The following OTOA variants were observed in gnomAD, a reference collection of about 807,000 sequenced individuals.
The protein encoded by OTOA is cancer/testis antigen 108.
Under a neutral mutation model 110.8 loss-of-function variants are expected in OTOA, and 70 were observed. The observed-to-expected ratio is 0.63, with a 90% CI of 0.52 to 0.77. The LOEUF is 0.77. OTOA is among the 30% of genes least tolerant of loss of function. The probability of loss-of-function intolerance (pLI) is 0.00; values close to 1 mark genes in which losing one functional copy is unlikely to be tolerated. For synonymous variants in OTOA, 373 were observed against 431.5 expected, an observed-to-expected ratio of 0.86 and a Z score of 1.68; for missense variants, 917 against 1,075.8, an observed-to-expected ratio of 0.85 and a Z score of 2.06.
Position 21,719,610 on chromosome 16 carries a change from C to T in OTOA, c.1806+106C>T, listed in dbSNP as rs181296414. 783 of 1,109,378 alleles carry T rather than the reference C, an allele frequency of 7.1e-4. 6 individuals carry two copies. In the African/African-American group the frequency reaches 9.7e-3, roughly 14 times the overall value. 68.7% of individuals were successfully genotyped at this position (1,109,378 alleles called of 1,614,324 possible). On this transcript the variant is annotated intron_variant, in intron 17 of 28. Transcript: ENST00000646100. ...GATCTTTATGCCAGAATCATTCAGA[C>T]GCAAGTGATGACTTAGGGCCAAAGA...
Position 21,677,673 on chromosome 16 carries a change from G to A in OTOA, c.-4-838G>A, listed in dbSNP as rs867481872. On this transcript the variant is annotated intron_variant, in intron 1 of 28. Coordinates refer to ENST00000646100, the MANE Select transcript of OTOA (RefSeq NM_144672.4). ...ATTTTTTTGTATTTTTATTAGAGAC[G>A]GGGTTTCACCGTGTTAGCCAGGATG... 9.9e-5 allele frequency among the ~76,000 whole-genome samples: 15 copies of A among 151,806 alleles called. 1 individual carries two copies. The highest frequency in any genetic ancestry group is 6.8e-3 in the Middle Eastern group (2 of 294).
chr16:21,722,273 A>C (rs112492854), intron 17 of OTOA, among the ~76,000 whole-genome samples: 19 of 147,836 alleles, frequency 1.3e-4, no homozygotes, highest in South Asian at 1.1e-3. Context: ...AAAAAAACAA[A>C]AAAAAAAAAC....
intron 12 of OTOA, among the ~76,000 whole-genome samples, chr16:21,707,609 CTT>C (rs1203681970): frequency 5.0e-5 from 4 of 79,450 alleles, no homozygotes; most frequent in Non-Finnish European, 8.8e-5. Context: ...TTCTTTCTTT[CTT>C]TCTTTCTTTC....
chr16:21,700,703 C>A (rs8050869), intron 10 of OTOA, among the ~76,000 whole-genome samples, 185 bp from the exon 11 acceptor site: 1 of 131,028 alleles, frequency 7.6e-6, no homozygotes, highest in Admixed American at 8.9e-5. Flanking sequence ...CCAGCCTGGG[C>A]GACAGAGTGA....
chr16:21,722,244 AG>A (rs987291775), intron 17 of OTOA, among the ~76,000 whole-genome samples: 160 of 147,384 alleles, frequency 1.1e-3, no homozygotes, highest in African/African-American at 3.7e-3. Flanking sequence ...CCTAGGTGAC[AG>A]AGTGAGACTG....
intron 15 of OTOA, among the ~76,000 whole-genome samples, chr16:21,718,609 A>C (rs1381703803): frequency 2.6e-5 from 4 of 152,144 alleles, no homozygotes. Context: ...GATTCTGTAA[A>C]ATTATGTTCC....
At chr16:21,719,262 T>C (rs1898651129) in intron 16 of OTOA, 71 bp downstream of exon 16, 1 of 1,594,018 alleles carries the variant, frequency 6.3e-7, no homozygotes, top group Admixed American at 1.7e-5. Context: ...AGCCTACTTT[T>C]CCAGGTGGGA....
At chr16:21,687,825 C>T (rs912631410) in intron 8 of OTOA, among the ~76,000 whole-genome samples, 177 bp downstream of exon 8, 15 of 151,840 alleles carry the variant, frequency 9.9e-5, no homozygotes, top group East Asian at 7.8e-4. Flanking sequence ...CTACCACACC[C>T]GACTAATTTT....
chr16:21,722,806 C>A, intron 17 of OTOA, 99 bp from the exon 18 acceptor site: 2 of 1,058,328 alleles, frequency 1.9e-6, no homozygotes, highest in Non-Finnish European at 2.9e-6. Flanking sequence ...CATAAATGAA[C>A]ACGTATGAAG....
intron 17 of OTOA, among the ~76,000 whole-genome samples, chr16:21,720,929 T>A (rs1403532509): frequency 1.3e-5 from 2 of 149,400 alleles, no homozygotes; most frequent in Admixed American, 6.7e-5. Flanking sequence ...TTATCATTAT[T>A]ATTATTATTG....
At chr16:21,726,979 G>C (rs1898938154) in intron 19 of OTOA, 1 of 344,958 alleles carries the variant, frequency 2.9e-6, no homozygotes, top group Non-Finnish European at 5.6e-6. Flanking sequence ...CTTCTCATCT[G>C]TAAGGTGGGG....
chr16:21,732,242 G>C (rs399643), intron 21 of OTOA, among the ~76,000 whole-genome samples: 22 of 151,906 alleles, frequency 1.4e-4, no homozygotes, highest in South Asian at 6.3e-4. Context: ...TGGGATTACA[G>C]GCGTGAGCCA....
chr16:21,697,040 T>TTA (rs1344293222), intron 9 of OTOA, among the ~76,000 whole-genome samples: 3 of 133,544 alleles, frequency 2.2e-5, no homozygotes, highest in Non-Finnish European at 4.8e-5. Context: ...CAGCTGGCTT[T>TTA]TTTTTTTTTT....
chr16:21,701,948 GTTTT>G (rs66850947), intron 11 of OTOA, among the ~76,000 whole-genome samples: 5 of 96,222 alleles, frequency 5.2e-5, no homozygotes, highest in African/African-American at 4.1e-5. Context: ...ATTCAATCCT[GTTTT>G]TTTTTTTTTT....
chr16:21,719,015 A>C, intron 15 of OTOA, 118 bp from the exon 16 acceptor site: 1 of 1,012,690 alleles, frequency 9.9e-7, no homozygotes, highest in Non-Finnish European at 1.6e-6. Flanking sequence ...ATAGCCTGTT[A>C]AGCCTCCATT....
intron 28 of OTOA, among the ~76,000 whole-genome samples, chr16:21,760,107 A>G (rs1353311069): frequency 6.6e-6 from 1 of 151,842 alleles, no homozygotes; most frequent in African/African-American, 2.4e-5. Flanking sequence ...CTTCCTATGG[A>G]CCAGAGCCCT....
At chr16:21,717,089 T>C (rs1381420640) in intron 15 of OTOA, 42 bp downstream of exon 15, 8 of 1,611,416 alleles carry the variant, frequency 5.0e-6, no homozygotes, top group Non-Finnish European at 6.8e-6. Flanking sequence ...TTTCTGACTA[T>C]CTGTCTTGTG....
In OTOA at chr16:21,750,015, G is replaced by A. The variant is rs1194165400; in HGVS notation, c.2776-1920G>A. ...TTTATTTTGTAGCTGATCTTCATAG[G>A]ATTGGCTTGGATGCCTCCTCAGGTC... On this transcript the variant is annotated intron_variant, in intron 24 of 28. Coordinates refer to ENST00000646100, the MANE Select transcript of OTOA (RefSeq NM_144672.4). 2.0e-5 allele frequency among the ~76,000 whole-genome samples: 3 copies of A among 150,922 alleles called. No individual in the cohort carries two copies. In the East Asian group the frequency reaches 5.9e-4, roughly 30 times the overall value.
At chr16:21,677,419 AATC>A (rs1966860450) in intron 1 of OTOA, among the ~76,000 whole-genome samples, 2 of 151,270 alleles carry the variant, frequency 1.3e-5, no homozygotes, top group African/African-American at 4.9e-5. Flanking sequence ...CTAATGTGAT[AATC>A]ATTTGTGTGC....
Sources: allele counts gnomAD v4.1 joint callset (sites outside exome capture counted in the v4.1 genomes callset), GRCh38; gene constraint gnomAD v4.1.1; transcripts MANE v1.5; gene names NCBI Gene and HGNC (gene_info 2026-07-23, HGNC 2026-07-21).